ACTR3C: variants seen among roughly 807,000 people sequenced by gnomAD.
ACTR3C encodes actin-related protein 3C.
ACTR3C carries 18 observed loss-of-function variants against 26.3 expected under a neutral mutation model. The ratio of observed to expected loss-of-function variants is 0.68; its 90% CI spans 0.47 to 1.01. The LOEUF (loss-of-function observed/expected upper bound fraction) is 1.01, where lower values mean the gene tolerates loss of function less well. Ranked by LOEUF, ACTR3C falls within the 50% of genes least tolerant of loss-of-function variation. The pLI, the probability that ACTR3C is intolerant of heterozygous loss-of-function variation, is 0.00. For synonymous variants in ACTR3C, 55 were observed against 94.5 expected (o/e 0.58, Z 2.42); for missense variants, 184 against 250.7 (o/e 0.73, Z 1.80).
At chr7:150,244,124 T>C (rs1312993392), downstream of ACTR3C, 1 of 135,534 alleles carries the variant, frequency 7.4e-6, no homozygotes, top group Non-Finnish European at 1.5e-5. Context: ...ATATTCAATA[T>C]AGTCTTAGAA....
At chr7:149,955,239 A>T in the ACTR3C span, among the ~76,000 whole-genome samples, 6 of 152,270 alleles carry the variant, frequency 3.9e-5, no homozygotes, top group African/African-American at 1.4e-4. Context: ...CTTCAAGTTT[A>T]AAAAGGTCCC....
intron 1 of ACTR3C, among the ~76,000 whole-genome samples, chr7:150,308,124 C>A (rs1178660824): frequency 6.6e-6 from 1 of 152,124 alleles, no homozygotes; most frequent in Non-Finnish European, 1.5e-5. Flanking sequence ...TGCGGGGACA[C>A]CTGCTTTGAT....
At chr7:150,229,651 A>ATT in the ACTR3C span, among the ~76,000 whole-genome samples, 187 of 134,292 alleles carry the variant, frequency 1.4e-3, no homozygotes, top group African/African-American at 3.4e-3. Flanking sequence ...CACACAGCTA[A>ATT]TTTTTTTTTT....
At chr7:149,958,358 C>T in the ACTR3C span, among the ~76,000 whole-genome samples, 1 of 152,248 alleles carries the variant, frequency 6.6e-6, no homozygotes, top group South Asian at 2.1e-4. Context: ...TCCACCATAG[C>T]CAAGTTAAAG....
the ACTR3C span, among the ~76,000 whole-genome samples, chr7:150,167,744 C>G: frequency 1.1e-4 from 16 of 150,362 alleles, 2 homozygotes; most frequent in African/African-American, 4.0e-4. Flanking sequence ...GCAAGCTCTC[C>G]GGGAGCAGGG....
At chr7:149,981,356 A>G in the ACTR3C span, among the ~76,000 whole-genome samples, 3 of 152,048 alleles carry the variant, frequency 2.0e-5, no homozygotes, top group South Asian at 2.1e-4. Context: ...TCAGGGCCCT[A>G]TAACACTATC....
chr7:150,151,960 G>A, the ACTR3C span, among the ~76,000 whole-genome samples: 35 of 138,930 alleles, frequency 2.5e-4, 2 homozygotes, highest in African/African-American at 7.5e-4. Flanking sequence ...TGGTGTATAA[G>A]AATGCTTGTG....
the ACTR3C span, among the ~76,000 whole-genome samples, chr7:150,188,670 T>C: frequency 1.3e-5 from 2 of 151,876 alleles, no homozygotes; most frequent in African/African-American, 4.9e-5. Context: ...AGGGTATATT[T>C]TGAGGTGGTG....
At chr7:150,120,145 G>C in the ACTR3C span, among the ~76,000 whole-genome samples, 2 of 151,962 alleles carry the variant, frequency 1.3e-5, no homozygotes, top group Non-Finnish European at 2.9e-5. Context: ...AAGGTCTAAG[G>C]TTGACACCCT....
At chr7:150,091,047 T>C in the ACTR3C span, among the ~76,000 whole-genome samples, 13 of 151,302 alleles carry the variant, frequency 8.6e-5, no homozygotes, top group African/African-American at 3.2e-4. Flanking sequence ...TTACTGAATG[T>C]GAGCCATGGC....
At chr7:150,146,241 T>G in the ACTR3C span, among the ~76,000 whole-genome samples, 1 of 151,660 alleles carries the variant, frequency 6.6e-6, no homozygotes, top group Admixed American at 6.6e-5. Context: ...CTATTCTCTC[T>G]CCAAGTTCTC....
the ACTR3C span, among the ~76,000 whole-genome samples, chr7:149,947,093 A>G: frequency 6.6e-6 from 1 of 151,326 alleles, no homozygotes; most frequent in Non-Finnish European, 1.5e-5. Flanking sequence ...CGGCTTCCCC[A>G]TGTCCTACAC....
the ACTR3C span, among the ~76,000 whole-genome samples, chr7:150,041,660 G>C: frequency 1.2e-4 from 13 of 111,776 alleles, no homozygotes; most frequent in Admixed American, 3.1e-4. Flanking sequence ...GATGAGGGTA[G>C]CAACAGCCGG....
chr7:150,037,198 G>T, the ACTR3C span, among the ~76,000 whole-genome samples: 2 of 49,720 alleles, frequency 4.0e-5, 1 homozygote, highest in Non-Finnish European at 8.6e-5. Flanking sequence ...GGCGGAAGAG[G>T]GGATAGCTCT....
At chr7:150,036,658 TC>T in the ACTR3C span, among the ~76,000 whole-genome samples, 5 of 141,320 alleles carry the variant, frequency 3.5e-5, no homozygotes, top group African/African-American at 1.3e-4. Flanking sequence ...TCACCTGCCT[TC>T]TGCCCTTAAG....
chr7:150,039,044 G>T, the ACTR3C span, among the ~76,000 whole-genome samples: 370 of 138,230 alleles, frequency 2.7e-3, 3 homozygotes, highest in South Asian at 0.032. Flanking sequence ...CCCACGTAAG[G>T]TACCTGCTGT....
Position 150,247,412 on chromosome 7 carries a change from T to C in ACTR3C, c.*196A>G, listed in dbSNP as rs1832526750. 1 of 150,424 alleles carries C rather than the reference T, an allele frequency of 6.6e-6. No individual in the cohort carries two copies. The highest frequency in any genetic ancestry group is 2.5e-5 in the African/African-American group (1 of 40,734). 9.3% of individuals were successfully genotyped at this position (150,424 alleles called of 1,614,324 possible). A position where few individuals can be genotyped will look rare whatever the true frequency, so the allele number is the denominator to read the frequency against. On this transcript the variant is annotated 3_prime_UTR_variant, in exon 8 of 8. Coordinates refer to ENST00000683684, the MANE Select transcript of ACTR3C (RefSeq NM_001164458.2). ...CACGTAGTAAGGATGCAACAGTTTG[T>C]GGTTCTCTAGAGAGCTTTGCCACCA...
chr7:150,312,752 G>GA (rs1296184808), intron 1 of ACTR3C, among the ~76,000 whole-genome samples: 5 of 152,050 alleles, frequency 3.3e-5, no homozygotes, highest in South Asian at 2.1e-4. Context: ...ATAATCCCCA[G>GA]AAAAAACCGA....
the ACTR3C span, among the ~76,000 whole-genome samples, chr7:149,904,536 ACAAC>A: frequency 1.1e-5 from 1 of 91,834 alleles, no homozygotes; most frequent in African/African-American, 3.1e-5. Context: ...ATCTCAAAAA[ACAAC>A]AACAACAACA....
Sources: gnomAD v4.1 joint callset for allele counts (sites outside exome capture counted in the v4.1 genomes callset) on GRCh38, gnomAD v4.1.1 for gene constraint, MANE v1.5 for transcripts, NCBI Gene and HGNC (gene_info 2026-07-23, HGNC 2026-07-21) for gene names.